The following ANXA8 variants were observed in gnomAD, a reference collection of about 807,000 sequenced individuals.
ANXA8 encodes VAC-beta.
In ANXA8, 9 loss-of-function variants were observed where a neutral mutation model predicts 26.8. The ratio of observed to expected loss-of-function variants is 0.34; its 90% CI spans 0.20 to 0.59. The LOEUF (loss-of-function observed/expected upper bound fraction) is 0.59. ANXA8 is among the 20% of genes least tolerant of loss of function. The pLI, the probability that ANXA8 is intolerant of heterozygous loss-of-function variation, is 0.84. For synonymous variants in ANXA8, 39 were observed against 94.8 expected (o/e 0.41, Z 3.42); for missense variants, 83 against 238.5 (o/e 0.35, Z 4.29).
the ANXA8 span, among the ~76,000 whole-genome samples, chr10:47,960,002 A>G: frequency 2.0e-5 from 3 of 149,214 alleles, no homozygotes; most frequent in Admixed American, 1.3e-4. Flanking sequence ...TGAGGAAGCC[A>G]CTTGGGATGT....
At chr10:47,704,275 T>C in the ANXA8 span, among the ~76,000 whole-genome samples, 1 of 144,300 alleles carries the variant, frequency 6.9e-6, no homozygotes, top group Non-Finnish European at 1.5e-5. Context: ...AACTTTTTTG[T>C]AAGTCTTACA....
the ANXA8 span, among the ~76,000 whole-genome samples, chr10:47,616,269 A>G: frequency 4.3e-5 from 3 of 69,796 alleles, no homozygotes; most frequent in East Asian, 2.7e-4. Flanking sequence ...ATCTTTTTCT[A>G]TTGAGAGGCA....
the ANXA8 span, among the ~76,000 whole-genome samples, chr10:47,703,735 C>A: frequency 6.7e-6 from 1 of 150,200 alleles, no homozygotes; most frequent in Non-Finnish European, 1.5e-5. Flanking sequence ...CCCCAGGATA[C>A]CAGCTTACTA....
At chr10:47,507,735 ATTTC>A in the ANXA8 span, among the ~76,000 whole-genome samples, 1 of 122,170 alleles carries the variant, frequency 8.2e-6, no homozygotes, top group Non-Finnish European at 1.7e-5. Flanking sequence ...CTTTGTTTTC[ATTTC>A]TTTGTTTTTT....
At chr10:47,497,674 A>G in the ANXA8 span, among the ~76,000 whole-genome samples, 1 of 146,826 alleles carries the variant, frequency 6.8e-6, no homozygotes, top group Non-Finnish European at 1.5e-5. Flanking sequence ...ATGGTGGCTC[A>G]CACCTGTAAT....
the ANXA8 span, among the ~76,000 whole-genome samples, chr10:47,672,989 T>G: frequency 6.6e-6 from 1 of 150,732 alleles, no homozygotes; most frequent in African/African-American, 2.5e-5. Flanking sequence ...AACCCATGGT[T>G]GCTCTAGGAT....
At chr10:47,639,429 C>T in the ANXA8 span, among the ~76,000 whole-genome samples, 7 of 152,234 alleles carry the variant, frequency 4.6e-5, no homozygotes, top group Non-Finnish European at 1.0e-4. Flanking sequence ...TCTCCTGCCT[C>T]GGCCTCCCTA....
chr10:47,671,138 T>G, the ANXA8 span, among the ~76,000 whole-genome samples: 1 of 151,944 alleles, frequency 6.6e-6, no homozygotes, highest in African/African-American at 2.4e-5. Flanking sequence ...AAAGATTATA[T>G]TTTGCCAGGT....
chr10:47,680,068 T>C, the ANXA8 span, among the ~76,000 whole-genome samples: 13 of 151,536 alleles, frequency 8.6e-5, no homozygotes, highest in Non-Finnish European at 1.8e-4. Context: ...CTCCACCTCC[T>C]GGATTCAAGA....
At chr10:47,707,186 A>C in the ANXA8 span, among the ~76,000 whole-genome samples, 12 of 142,472 alleles carry the variant, frequency 8.4e-5, no homozygotes, top group Middle Eastern at 3.6e-3. Context: ...AAAAAAAAAC[A>C]AAAAAAAGAG....
the ANXA8 span, among the ~76,000 whole-genome samples, chr10:47,637,317 G>A: frequency 1.4e-5 from 2 of 147,576 alleles, no homozygotes; most frequent in Non-Finnish European, 3.0e-5. Flanking sequence ...CAGATGTTAA[G>A]TATCCAGTCT....
chr10:47,652,505 G>A, the ANXA8 span, among the ~76,000 whole-genome samples: 74 of 151,188 alleles, frequency 4.9e-4, 2 homozygotes, highest in African/African-American at 1.8e-3. Flanking sequence ...GCTGAGGCAC[G>A]AGAATTATTT....
the ANXA8 span, among the ~76,000 whole-genome samples, chr10:47,955,196 A>G: frequency 6.7e-6 from 1 of 149,344 alleles, no homozygotes; most frequent in African/African-American, 2.5e-5. Context: ...ACCATGTAAG[A>G]CGCGACTTGC....
chr10:47,544,441 A>G, the ANXA8 span: 1 of 440,966 alleles, frequency 2.3e-6, no homozygotes, highest in Admixed American at 4.3e-5. Flanking sequence ...CCTAAACTTC[A>G]TAACTGTAAT....
At chr10:47,502,330 A>G in the ANXA8 span, 5 of 1,602,784 alleles carry the variant, frequency 3.1e-6, 1 homozygote, top group Non-Finnish European at 4.2e-6. Context: ...GGCTGTCTGC[A>G]GGTCCTCATC....
At chr10:47,692,599 C>T in the ANXA8 span, 2 of 93,806 alleles carry the variant, frequency 2.1e-5, no homozygotes, top group African/African-American at 8.1e-5. Context: ...CAGGAGGTCA[C>T]TATATTGATG....
At chr10:47,693,515 A>C in the ANXA8 span, among the ~76,000 whole-genome samples, 3 of 151,058 alleles carry the variant, frequency 2.0e-5, no homozygotes, top group Middle Eastern at 3.5e-3. Context: ...TGGTCTCGAT[A>C]TCCTCACCTC....
the ANXA8 span, among the ~76,000 whole-genome samples, chr10:47,665,865 A>G: frequency 6.6e-6 from 1 of 151,770 alleles, no homozygotes; most frequent in Non-Finnish European, 1.5e-5. Context: ...ACAAAGTATA[A>G]CTCAATTTGG....
At chr10:47,751,160 C>T in the ANXA8 span, 2 of 151,922 alleles carry the variant, frequency 1.3e-5, no homozygotes, top group African/African-American at 4.8e-5. Flanking sequence ...TGAGGATGGA[C>T]AAGAATACCC....
Sources: allele counts gnomAD v4.1 joint callset (sites outside exome capture counted in the v4.1 genomes callset), GRCh38; gene constraint gnomAD v4.1.1; transcripts MANE v1.5; gene names NCBI Gene and HGNC (gene_info 2026-07-23, HGNC 2026-07-21).